The following DEPDC5 variants were observed in gnomAD, a reference collection of about 807,000 sequenced individuals.
The protein encoded by DEPDC5 is DEP domain containing 5, GATOR1 subcomplex subunit, also known as GATOR1 complex protein DEPDC5.
In DEPDC5, 73 loss-of-function variants were observed where a neutral mutation model predicts 217.3. The ratio of observed to expected loss-of-function variants is 0.34; its 90% CI spans 0.28 to 0.41. The LOEUF is 0.41. Ranked by LOEUF, DEPDC5 falls within the 10% of genes least tolerant of loss-of-function variation. The pLI, the probability that DEPDC5 is intolerant of heterozygous loss-of-function variation, is 1.00. For missense variants in DEPDC5, 1,675 were observed against 2,070.1 expected (o/e 0.81, Z 3.70); for synonymous variants, 733 against 756.7 (o/e 0.97, Z 0.51).
chr22:31,755,385 C>T, intron 2 of DEPDC5: 1 of 198,958 alleles, frequency 5.0e-6, no homozygotes, highest in Non-Finnish European at 1.1e-5. Flanking sequence ...TGAACCTTTG[C>T]CTGGCTTGTA....
intron 7 of DEPDC5, among the ~76,000 whole-genome samples, chr22:31,773,525 G>C (rs1460857995): frequency 6.6e-6 from 1 of 152,054 alleles, no homozygotes; most frequent in East Asian, 1.9e-4. Flanking sequence ...TTAAAGATCT[G>C]TCCTGATATT....
intron 27 of DEPDC5, among the ~76,000 whole-genome samples, chr22:31,841,578 C>T (rs1308738735): frequency 2.0e-5 from 3 of 152,160 alleles, no homozygotes; most frequent in Non-Finnish European, 2.9e-5. Context: ...AGAAGTGTCC[C>T]GTTGGTTACT....
chr22:31,869,387 G>A (rs188945635), intron 33 of DEPDC5, among the ~76,000 whole-genome samples: 11 of 152,024 alleles, frequency 7.2e-5, no homozygotes, highest in Middle Eastern at 3.4e-3. Flanking sequence ...AGGGAGCAGC[G>A]TTTAAAATGG....
At chr22:31,810,725 C>T in intron 20 of DEPDC5, 84 bp downstream of exon 20, 14 of 1,544,914 alleles carry the variant, frequency 9.1e-6, no homozygotes, top group Non-Finnish European at 1.2e-5. Context: ...AAGAGAGCAA[C>T]CTTGAAAATC....
At position 31,906,447 on chromosome 22, in the gene DEPDC5, G is replaced by A; in HGVS notation, c.4762G>A (p.Val1588Ile). The A allele has an allele frequency of 6.2e-7, 1 of 1,614,060 alleles. No individual in the cohort carries two copies. The highest frequency in any genetic ancestry group is 8.5e-7 in the Non-Finnish European group (1 of 1,180,044). The change falls in exon 43 of 43, where the codon GTC (valine) becomes ATC (isoleucine). Residue 1588 changes from valine to isoleucine, a missense_variant. Val to Ile is a conservative substitution (Grantham distance 29, BLOSUM62 3). Around this residue, in one of 11 missense-constraint regions of DEPDC5, gnomAD observed 49 missense variants for 74.7 expected, o/e 0.66. Transcript: ENST00000651528. This position sits in a 1 kb window ranked among gnomAD's most constrained non-coding sequence, Gnocchi z 5.1. ...CTGCATCAACCGTGACAACCGGCTG[G>A]TCACGTTCTGGACAAGTTGCCTGGA... is the stretch of plus-strand genomic sequence containing the variant. ...DFCINRDNRL[V>I]TFWTSCLEKM... is the part of the protein sequence containing the mutation.
At chr22:31,857,205 C>T (rs1460932871) in intron 31 of DEPDC5, among the ~76,000 whole-genome samples, 1 of 152,216 alleles carries the variant, frequency 6.6e-6, no homozygotes, top group East Asian at 1.9e-4. Flanking sequence ...CATATATAAG[C>T]ACCAGATGCT....
At chr22:31,874,017 T>C in intron 35 of DEPDC5, 1 of 379,460 alleles carries the variant, frequency 2.6e-6, no homozygotes, top group Non-Finnish European at 4.8e-6. Context: ...GGTCTCAAAC[T>C]CCTGACCTCA....
intron 31 of DEPDC5, among the ~76,000 whole-genome samples, chr22:31,852,538 C>T (rs1015069744): frequency 4.6e-5 from 7 of 152,040 alleles, no homozygotes; most frequent in African/African-American, 1.7e-4. Flanking sequence ...GGGTTTTCTC[C>T]GTGGTGGTCA....
intron 13 of DEPDC5, among the ~76,000 whole-genome samples, chr22:31,798,226 A>G (rs990854581): frequency 4.0e-5 from 6 of 151,830 alleles, no homozygotes; most frequent in African/African-American, 7.2e-5. Context: ...CTCAGCTGCC[A>G]CTTATTTAAG....
rs1364439946 is a variant in DEPDC5 at position 31,833,999 on chromosome 22, C to T, written c.2170+19C>T. The T allele has an allele frequency of 1.2e-6, 2 of 1,612,248 alleles. No homozygotes were observed. Among genetic ancestry groups the T allele is most frequent in the East Asian group, 2.2e-5 (1 of 44,884 alleles). Reference sequence around the variant, plus strand: ...GACCCAAGTAAGAGGGGGCAGCTGACTGGGGAAAGGGGTAGACAGGGAGTG... The same window carrying T: ...GACCCAAGTAAGAGGGGGCAGCTGATTGGGGAAAGGGGTAGACAGGGAGTG... On this transcript the variant is annotated intron_variant, in intron 25 of 42. Coordinates refer to ENST00000651528, the MANE Select transcript of DEPDC5 (RefSeq NM_001242896.3).
At chr22:31,876,552 C>A (rs1333637428) in intron 37 of DEPDC5, among the ~76,000 whole-genome samples, 2 of 152,116 alleles carry the variant, frequency 1.3e-5, no homozygotes, top group Non-Finnish European at 2.9e-5. Flanking sequence ...TTTTTGGTAG[C>A]TGTTTTTAAT....
In DEPDC5 at chr22:31,804,154, T is replaced by C; in HGVS notation, c.1082-8T>C. On this transcript the variant is annotated splice_polypyrimidine_tract_variant and splice_region_variant and intron_variant, in intron 15 of 42. Coordinates refer to ENST00000651528, the MANE Select transcript of DEPDC5 (RefSeq NM_001242896.3). ...CCCCACAATTCTTTTTGTCTTTTCTTTTTTTAGGAATTGGTGTGGATTTGG... is the reference window on the plus strand; with the variant it reads ...CCCCACAATTCTTTTTGTCTTTTCTCTTTTTAGGAATTGGTGTGGATTTGG... 6.2e-7 allele frequency: 1 copy of C among 1,614,104 alleles called. No individual in the cohort carries two copies. The highest frequency in any genetic ancestry group is 1.7e-5 in the Admixed American group (1 of 60,016).
chr22:31,879,129 T>C (rs978315053), intron 37 of DEPDC5, among the ~76,000 whole-genome samples: 27 of 143,470 alleles, frequency 1.9e-4, no homozygotes, highest in East Asian at 9.9e-4. Context: ...CATATATATA[T>C]ACATATATAT....
intron 32 of DEPDC5, 126 bp from the exon 33 acceptor site, chr22:31,861,242 T>G: frequency 1.5e-6 from 1 of 681,570 alleles, no homozygotes; most frequent in East Asian, 3.1e-5. Context: ...CTTCCCTCCT[T>G]GTTTTTATTT....
intron 40 of DEPDC5, among the ~76,000 whole-genome samples, chr22:31,898,848 G>C (rs1449113545): frequency 1.3e-5 from 2 of 152,190 alleles, no homozygotes; most frequent in African/African-American, 4.8e-5. Context: ...GGGACACACA[G>C]AGCTTACAAA....
chr22:31,879,697 G>A lies in DEPDC5; in HGVS notation c.3978G>A (p.Arg1326=), dbSNP rs374647774. 1 of 1,614,146 alleles carries A rather than the reference G, an allele frequency of 6.2e-7. No homozygotes were observed. The highest frequency in any genetic ancestry group is 8.5e-7 in the Non-Finnish European group (1 of 1,180,030). ...LPSRPASYAS[R]HSSFSRSFGG... is the part of the protein sequence containing the mutation. Reference sequence around the variant, plus strand: ...GCCGGCCAGCCTCCTATGCAAGTAGGCACAGCTCCTTTAGCCGAAGTTTTG... The same window carrying A: ...GCCGGCCAGCCTCCTATGCAAGTAGACACAGCTCCTTTAGCCGAAGTTTTG... The change falls in exon 38 of 43, where the codon AGG becomes AGA. Residue 1326 remains arginine (R), a synonymous_variant. Coordinates refer to ENST00000651528, the MANE Select transcript of DEPDC5 (RefSeq NM_001242896.3).
chr22:31,907,049 T>G lies in DEPDC5; in HGVS notation c.*552T>G, dbSNP rs1003514451. ...CCCACCCAGTTCCCCACAGAAGCAGTCCCATCCTGGGCTGGGCAGTTGTGC... is the reference window on the plus strand; with the variant it reads ...CCCACCCAGTTCCCCACAGAAGCAGGCCCATCCTGGGCTGGGCAGTTGTGC... On this transcript the variant is annotated 3_prime_UTR_variant, in exon 43 of 43. Transcript: ENST00000651528. The G allele has an allele frequency of 8.2e-5, 13 of 157,962 alleles. No homozygotes were observed. Among genetic ancestry groups the G allele is most frequent in the Non-Finnish European group, 1.1e-4 (8 of 71,584 alleles). 9.8% of individuals were successfully genotyped at this position (157,962 alleles called of 1,614,324 possible).
chr22:31,880,123 T>C, intron 38 of DEPDC5: 1 of 257,936 alleles, frequency 3.9e-6, no homozygotes, highest in Non-Finnish European at 7.8e-6. Flanking sequence ...AACCATAGCA[T>C]CCTATGATCT....
At chr22:31,841,068 A>G (rs2091360898) in intron 27 of DEPDC5, among the ~76,000 whole-genome samples, 1 of 152,250 alleles carries the variant, frequency 6.6e-6, no homozygotes, top group South Asian at 2.1e-4. Context: ...AACAGCCAGC[A>G]GAGTGTTTGT....
Sources: allele counts gnomAD v4.1 joint callset (sites outside exome capture counted in the v4.1 genomes callset), GRCh38; gene constraint gnomAD v4.1.1; regional missense constraint gnomAD v4.1.1; non-coding constraint Gnocchi (gnomAD v3.1); transcripts MANE v1.5; gene names NCBI Gene and HGNC (gene_info 2026-07-23, HGNC 2026-07-21).